Variants in UNC5B observed in about 807,000 individuals in gnomAD.
UNC5B encodes netrin receptor UNC5B.
In UNC5B, 56 loss-of-function variants were observed where a neutral mutation model predicts 103.7. That is an observed-to-expected ratio of 0.54 (90% CI 0.44 to 0.67). The LOEUF (loss-of-function observed/expected upper bound fraction) is 0.67, where lower values mean the gene tolerates loss of function less well. Ranked by LOEUF, UNC5B falls within the 30% of genes least tolerant of loss-of-function variation. The pLI, the probability that UNC5B is intolerant of heterozygous loss-of-function variation, is 0.00. For missense variants in UNC5B, 1,194 were observed against 1,284.5 expected (o/e 0.93, Z 1.08); for synonymous variants, 577 against 542.0 (o/e 1.06, Z -0.90).
intron 1 of UNC5B, among the ~76,000 whole-genome samples, chr10:71,263,489 GA>G (rs1844459295): frequency 6.6e-6 from 1 of 152,198 alleles, no homozygotes; most frequent in South Asian, 2.1e-4. Context: ...CCCCTTCTCT[GA>G]GTTATTAAGA....
intron 1 of UNC5B, among the ~76,000 whole-genome samples, chr10:71,221,301 CA>C (rs1194157723): frequency 2.2e-4 from 33 of 152,216 alleles, no homozygotes; most frequent in Non-Finnish European, 4.0e-4. Context: ...GCAGCCTGGG[CA>C]TGTGCGAGAA....
intron 1 of UNC5B, among the ~76,000 whole-genome samples, chr10:71,265,046 T>G (rs1844494596): frequency 6.6e-6 from 1 of 151,484 alleles, no homozygotes; most frequent in African/African-American, 2.4e-5. Context: ...AACCCTGCTC[T>G]GTGACATTAG....
chr10:71,298,496 C>T (rs1315082539), intron 16 of UNC5B, among the ~76,000 whole-genome samples: 1 of 152,002 alleles, frequency 6.6e-6, no homozygotes, highest in Non-Finnish European at 1.5e-5. Flanking sequence ...ACTTTGGTGT[C>T]AAAACTCCTT....
rs762179296 is a variant in UNC5B at position 71,284,821 on chromosome 10, G to A, written c.406G>A (p.Ala136Thr). The A allele has an allele frequency of 1.4e-5, 23 of 1,613,312 alleles. No homozygotes were observed. Among genetic ancestry groups the A allele is most frequent in the South Asian group, 6.6e-5 (6 of 91,024 alleles). Reference sequence around the variant, plus strand: ...GTGCCAGTGCGTGGCCTGGAGCTCCGCGGGCACCACCAAGAGTCGCCGAGC... The same window carrying A: ...GTGCCAGTGCGTGGCCTGGAGCTCCACGGGCACCACCAAGAGTCGCCGAGC... ...YWCQCVAWSS[A>T]GTTKSRRAYV... Residue 136 changes from alanine to threonine, a missense_variant, in exon 3 of 17, where the codon GCG becomes ACG. Coordinates refer to ENST00000335350, the MANE Select transcript of UNC5B (RefSeq NM_170744.5).
intron 1 of UNC5B, among the ~76,000 whole-genome samples, chr10:71,238,831 G>A (rs1257377771): frequency 6.6e-6 from 1 of 152,128 alleles, no homozygotes; most frequent in East Asian, 1.9e-4. Context: ...CCAGGCTTGA[G>A]TGCAATGGCG....
chr10:71,265,832 C>T (rs1373015499), intron 1 of UNC5B, among the ~76,000 whole-genome samples: 1 of 152,180 alleles, frequency 6.6e-6, no homozygotes, highest in Non-Finnish European at 1.5e-5. Context: ...CCACCCCACC[C>T]CCACTGCTGG....
chr10:71,276,666 TCAGG>T (rs1232552210), intron 1 of UNC5B, among the ~76,000 whole-genome samples: 1 of 152,200 alleles, frequency 6.6e-6, no homozygotes, highest in Non-Finnish European at 1.5e-5. Context: ...GCTCCTGAGC[TCAGG>T]CAGTCCACCC....
intron 1 of UNC5B, among the ~76,000 whole-genome samples, chr10:71,269,343 T>TCCCA (rs1795779265): frequency 7.7e-6 from 1 of 130,402 alleles, no homozygotes. Context: ...AAAAATGAAG[T>TCCCA]CCCCCCCCCA....
In UNC5B at chr10:71,293,820, TC is replaced by T; in HGVS notation, c.2065del (p.Arg689AlafsTer34). On this transcript the variant is annotated frameshift_variant, in exon 13 of 17. Transcript: ENST00000335350. LOFTEE classifies it high-confidence loss of function. ...GTYVFTGESYSRSAVKRLQLA... is the reference protein window; with the variant it reads ...GTYVFTGESYXRSAVKRLQLA... ...CTACGTGTTCACGGGCGAGTCCTAT[TC>T]CCGCTCAGCAGTCAAGCGGCTCCAG... 1 of 1,611,848 alleles carries T rather than the reference TC, an allele frequency of 6.2e-7. No individual in the cohort carries two copies. Among genetic ancestry groups the T allele is most frequent in the Non-Finnish European group, 8.5e-7 (1 of 1,179,364 alleles).
At chr10:71,224,166 C>T (rs1016813032) in intron 1 of UNC5B, among the ~76,000 whole-genome samples, 1 of 152,096 alleles carries the variant, frequency 6.6e-6, no homozygotes, top group African/African-American at 2.4e-5. Context: ...GCACAGTGAC[C>T]CCTGCTGCAA....
Position 71,299,188 on chromosome 10 carries a change from G to C in UNC5B, c.2749G>C (p.Asp917His), listed in dbSNP as rs368070115. Residue 917 changes from aspartate (D) to histidine (H), a missense_variant, in exon 17 of 17, where the codon GAT becomes CAT. Asp to His is a moderately conservative substitution (Grantham distance 81). Coordinates refer to ENST00000335350, the MANE Select transcript of UNC5B (RefSeq NM_170744.5). Reference sequence around the variant, plus strand: ...CCTCTGGGAAGCTCTGCAGCAGGACGATGGGGACCTCAACAGCCTGGCGAG... The same window carrying C: ...CCTCTGGGAAGCTCTGCAGCAGGACCATGGGGACCTCAACAGCCTGGCGAG... Reference protein sequence around the residue: ...LDLWEALQQDDGDLNSLASAL... With the variant: ...LDLWEALQQDHGDLNSLASAL... 1.2e-6 allele frequency: 2 copies of C among 1,614,242 alleles called. No homozygotes were observed. The highest frequency in any genetic ancestry group is 2.2e-5 in the South Asian group (2 of 91,088).
chr10:71,240,221 G>T (rs1297909807), intron 1 of UNC5B, among the ~76,000 whole-genome samples: 1 of 152,242 alleles, frequency 6.6e-6, no homozygotes, highest in Non-Finnish European at 1.5e-5. Flanking sequence ...CTGCCATGCG[G>T]CCTGCTGCAT....
intron 1 of UNC5B, among the ~76,000 whole-genome samples, chr10:71,266,761 C>T (rs944496905): frequency 2.0e-5 from 3 of 152,192 alleles, no homozygotes; most frequent in Non-Finnish European, 4.4e-5. Context: ...CCCCCTTACT[C>T]GAGGTCTCCC....
chr10:71,258,225 T>A (rs1844336346), intron 1 of UNC5B, among the ~76,000 whole-genome samples: 1 of 152,134 alleles, frequency 6.6e-6, no homozygotes, highest in Admixed American at 6.5e-5. Flanking sequence ...CTGAGTAAGG[T>A]TCCCTCACTC....
At chr10:71,268,248 C>T (rs187829589) in intron 1 of UNC5B, among the ~76,000 whole-genome samples, 2 of 152,388 alleles carry the variant, frequency 1.3e-5, no homozygotes, top group East Asian at 1.9e-4. Context: ...ATCTCTACCT[C>T]TGTTTATCTC....
chr10:71,298,615 T>A (rs7095433), intron 16 of UNC5B, among the ~76,000 whole-genome samples: 32,319 of 150,850 alleles, frequency 0.21, 4,358 homozygotes, highest in East Asian at 0.43. Flanking sequence ...TCTCAAAAAA[T>A]AAATAAATAA....
chr10:71,290,398 T>G lies in UNC5B; in HGVS notation c.1100-517T>G, dbSNP rs113530620. 5.7e-3 allele frequency among the ~76,000 whole-genome samples: 866 copies of G among 152,288 alleles called. 13 individuals are homozygous for G. Among genetic ancestry groups the G allele is most frequent in the African/African-American group, 0.02 (838 of 41,558 alleles). Reference sequence around the variant, plus strand: ...CGCATTGTTGTGCATCTCATTCCACTTCTTCAGCTCCCCGTCCCTCCACTT... The same window carrying G: ...CGCATTGTTGTGCATCTCATTCCACGTCTTCAGCTCCCCGTCCCTCCACTT... On this transcript the variant is annotated intron_variant, in intron 8 of 16. Transcript: ENST00000335350.
intron 1 of UNC5B, among the ~76,000 whole-genome samples, chr10:71,226,122 T>C (rs946038013): frequency 6.6e-6 from 1 of 152,260 alleles, no homozygotes; most frequent in Non-Finnish European, 1.5e-5. Context: ...TCACCCAGGC[T>C]GGAGTGCAGT....
chr10:71,279,282 C>T (rs1284177033), intron 1 of UNC5B, among the ~76,000 whole-genome samples: 10 of 152,202 alleles, frequency 6.6e-5, no homozygotes, highest in Admixed American at 2.6e-4. Context: ...CTGCTTCAGC[C>T]GGCTCATCCC....
Sources: allele counts gnomAD v4.1 joint callset (sites outside exome capture counted in the v4.1 genomes callset), GRCh38; gene constraint gnomAD v4.1.1; transcripts MANE v1.5; gene names NCBI Gene and HGNC (gene_info 2026-07-23, HGNC 2026-07-21).